Variants in KCNMA1 observed in about 807,000 individuals in gnomAD.
KCNMA1 encodes the protein Calcium-activated potassium channel subunit alpha-1.
In KCNMA1, 29 loss-of-function variants were observed where a neutral mutation model predicts 140.0. The ratio of observed to expected loss-of-function variants is 0.21; its 90% CI spans 0.15 to 0.28. The LOEUF (loss-of-function observed/expected upper bound fraction) is 0.28. Among genes scored for constraint, KCNMA1 ranks in the 10% least tolerant of loss-of-function variants. KCNMA1 has a pLI of 1.00. For synonymous variants in KCNMA1, 612 were observed against 611.9 expected (o/e 1.00, Z 0.00); for missense variants, 880 against 1,602.2 (o/e 0.55, Z 7.70).
At chr10:77,143,249 A>G (rs1431912272) in intron 5 of KCNMA1, among the ~76,000 whole-genome samples, 1 of 152,240 alleles carries the variant, frequency 6.6e-6, no homozygotes. Context: ...AGTTTATCCC[A>G]TGAGTAAAAG....
At chr10:77,387,658 C>T (rs2095663465) in intron 2 of KCNMA1, among the ~76,000 whole-genome samples, 1 of 129,300 alleles carries the variant, frequency 7.7e-6, no homozygotes, top group African/African-American at 3.5e-5. Flanking sequence ...TGCTCTGTCA[C>T]CCAGGTTGGA....
chr10:77,431,434 A>C (rs2097149198), intron 1 of KCNMA1, among the ~76,000 whole-genome samples: 2 of 152,224 alleles, frequency 1.3e-5, no homozygotes, highest in South Asian at 2.1e-4. Context: ...TGTCCTAGGG[A>C]TTTCTCTAAT....
chr10:76,909,966 C>T lies in KCNMA1; in HGVS notation c.3147G>A (p.Ala1049=), dbSNP rs201397661. Residue 1049 remains alanine (A), a splice_region_variant and synonymous_variant, in exon 25 of 28, where the codon GCG becomes GCA. Coordinates refer to ENST00000286628, the MANE Select transcript of KCNMA1 (RefSeq NM_001161352.2). The stretch of plus-strand genomic sequence containing the variant: ...AGGAGGAGGGAACAGGATAACTCAC[C>T]GCGCTCATGAGTGAGTCCAGGACAC... ...AVSVLDSLMS[A]TYFNDNILTL... is the part of the protein sequence containing the mutation. 60 of 1,613,258 alleles carry T rather than the reference C, an allele frequency of 3.7e-5. No homozygotes were observed. The highest frequency in any genetic ancestry group is 6.7e-5 in the East Asian group (3 of 44,802).
At chr10:77,439,169 AAAGAG>A (rs889301792) in intron 1 of KCNMA1, among the ~76,000 whole-genome samples, 4 of 147,160 alleles carry the variant, frequency 2.7e-5, no homozygotes, top group East Asian at 2.0e-4. Context: ...GAAGAAAAGA[AAAGAG>A]AAGAGAAGAT....
chr10:77,023,669 C>T (rs1421285948), intron 16 of KCNMA1, among the ~76,000 whole-genome samples: 3 of 152,144 alleles, frequency 2.0e-5, no homozygotes, highest in Non-Finnish European at 4.4e-5. Flanking sequence ...GAGAGTATGA[C>T]TGCATTTGTA....
rs142919940 is a variant in KCNMA1, at chr10:77,098,249, T to C, written c.1224-7739A>G. 3.7e-3 allele frequency among the ~76,000 whole-genome samples: 567 copies of C among 152,322 alleles called. 5 individuals carry two copies. The highest frequency in any genetic ancestry group is 0.013 in the African/African-American group (543 of 41,572). On this transcript the variant is annotated intron_variant, in intron 9 of 27. Coordinates refer to ENST00000286628, the MANE Select transcript of KCNMA1 (RefSeq NM_001161352.2). ...ATTGGTAGATTTTGCCTGTCCTGCA[T>C]ACACCCTCTCTTCTGTGGACAGCAC...
chr10:77,271,224 C>T (rs1051893585), intron 2 of KCNMA1, among the ~76,000 whole-genome samples: 1 of 152,182 alleles, frequency 6.6e-6, no homozygotes, highest in African/African-American at 2.4e-5. Context: ...TCCTCAGTTG[C>T]ACTGGCTACA....
At chr10:77,105,177 C>T (rs1387215364) in intron 9 of KCNMA1, among the ~76,000 whole-genome samples, 1 of 152,202 alleles carries the variant, frequency 6.6e-6, no homozygotes, top group African/African-American at 2.4e-5. Flanking sequence ...CCCATACCTA[C>T]TGCAGGGACT....
chr10:77,619,762 G>A (rs1441177927), intron 1 of KCNMA1, among the ~76,000 whole-genome samples: 1 of 152,154 alleles, frequency 6.6e-6, no homozygotes, highest in Non-Finnish European at 1.5e-5. Context: ...AGCATCAGAC[G>A]GCTGCTCCCC....
At chr10:77,078,880 T>C (rs554236757) in intron 13 of KCNMA1, among the ~76,000 whole-genome samples, 3 of 152,360 alleles carry the variant, frequency 2.0e-5, no homozygotes, top group African/African-American at 7.2e-5. Context: ...AATCAATAGT[T>C]CTGAACCTCG....
At chr10:77,479,695 G>A (rs990849402) in intron 1 of KCNMA1, among the ~76,000 whole-genome samples, 15 of 152,100 alleles carry the variant, frequency 9.9e-5, no homozygotes, top group Admixed American at 6.6e-4. Flanking sequence ...GTTTGTAACC[G>A]GACCCCAGAA....
chr10:77,100,299 T>C (rs1595933603), intron 9 of KCNMA1, among the ~76,000 whole-genome samples: 1 of 152,106 alleles, frequency 6.6e-6, no homozygotes, highest in Non-Finnish European at 1.5e-5. Context: ...ATGGCTAAGG[T>C]CATATAAGCT....
intron 2 of KCNMA1, among the ~76,000 whole-genome samples, chr10:77,385,681 G>T (rs2095576501): frequency 6.6e-6 from 1 of 152,240 alleles, no homozygotes; most frequent in Non-Finnish European, 1.5e-5. Context: ...TAAAGATGAG[G>T]TAGGATTTGA....
At chr10:77,196,458 T>C (rs1045612261) in intron 3 of KCNMA1, among the ~76,000 whole-genome samples, 12 of 152,188 alleles carry the variant, frequency 7.9e-5, no homozygotes, top group African/African-American at 2.7e-4. Flanking sequence ...TGTAATTACA[T>C]TTAAGCTCCT....
chr10:77,139,361 A>G (rs2098119324), intron 5 of KCNMA1, among the ~76,000 whole-genome samples: 1 of 152,156 alleles, frequency 6.6e-6, no homozygotes, highest in Non-Finnish European at 1.5e-5. Flanking sequence ...AAATATAACA[A>G]TCTGGCCAGC....
intron 14 of KCNMA1, among the ~76,000 whole-genome samples, chr10:77,062,605 A>G (rs1466581880): frequency 6.6e-6 from 1 of 152,212 alleles, no homozygotes; most frequent in Non-Finnish European, 1.5e-5. Context: ...ACTACAAGGC[A>G]TTATGGTCTA....
At chr10:77,113,734 G>A (rs1255624195) in intron 6 of KCNMA1, among the ~76,000 whole-genome samples, 1 of 152,082 alleles carries the variant, frequency 6.6e-6, no homozygotes, top group Non-Finnish European at 1.5e-5. Flanking sequence ...AAAGTGCTAG[G>A]ATTACAGGTG....
chr10:76,899,547 T>C (rs897857375), intron 25 of KCNMA1, among the ~76,000 whole-genome samples: 15 of 152,178 alleles, frequency 9.9e-5, no homozygotes, highest in African/African-American at 3.6e-4. Context: ...CATTTGTTTA[T>C]GTATTGTCTG....
intron 9 of KCNMA1, chr10:77,092,233 A>C (rs965788272): frequency 2.6e-5 from 4 of 152,238 alleles, no homozygotes; most frequent in African/African-American, 9.6e-5. Flanking sequence ...AATACACAAT[A>C]TAGATTGAAC....
Sources: allele counts gnomAD v4.1 joint callset (sites outside exome capture counted in the v4.1 genomes callset), GRCh38; gene constraint gnomAD v4.1.1; transcripts MANE v1.5; gene names NCBI Gene and HGNC (gene_info 2026-07-23, HGNC 2026-07-21).